Variants in HS3ST3B1 observed in about 807,000 individuals in gnomAD.
HS3ST3B1 encodes heparan sulfate-glucosamine 3-sulfotransferase 3B1, also known as heparan sulfate glucosamine 3-O-sulfotransferase 3B1.
A neutral mutation model predicts 21.3 loss-of-function variants in HS3ST3B1; 13 were observed. That is an observed-to-expected ratio of 0.61 (90% CI 0.40 to 0.97). The LOEUF is 0.97. Ranked by LOEUF, HS3ST3B1 falls within the 50% of genes least tolerant of loss-of-function variation. HS3ST3B1 has a pLI of 0.00. For missense variants in HS3ST3B1, 459 were observed against 554.8 expected (o/e 0.83, Z 1.73); for synonymous variants, 234 against 254.8 (o/e 0.92, Z 0.78).
chr17:14,312,454 G>A (rs1909335971), intron 1 of HS3ST3B1, among the ~76,000 whole-genome samples: 1 of 152,132 alleles, frequency 6.6e-6, no homozygotes, highest in Admixed American at 6.6e-5. Context: ...CCACTTAAAA[G>A]CATTTCCAAG....
Position 14,346,005 on chromosome 17 carries a change from T to G in HS3ST3B1, c.*359T>G, listed in dbSNP as rs1910558767. 4.7e-6 allele frequency: 1 copy of G among 213,198 alleles called. No homozygotes were observed. The highest frequency in any genetic ancestry group is 9.3e-6 in the Non-Finnish European group (1 of 107,320). 13.2% of individuals were successfully genotyped at this position (213,198 alleles called of 1,614,324 possible). A position where few individuals can be genotyped will look rare whatever the true frequency, so the allele number is the denominator to read the frequency against. The stretch of plus-strand genomic sequence containing the variant: ...CAGTTGCTGCCTCCTTGTCTTGTCT[T>G]GGGTCTCCCATTCCAGCTTCCCTGT... On this transcript the variant is annotated 3_prime_UTR_variant, in exon 2 of 2. Coordinates refer to ENST00000360954, the MANE Select transcript of HS3ST3B1 (RefSeq NM_006041.3).
At chr17:14,320,073 G>T (rs1057253888) in intron 1 of HS3ST3B1, among the ~76,000 whole-genome samples, 3 of 152,144 alleles carry the variant, frequency 2.0e-5, no homozygotes, top group African/African-American at 7.2e-5. Context: ...CGTGTGTGGG[G>T]CTTTATGAGT....
rs982882139 is a variant in HS3ST3B1, at chr17:14,348,405, A to G, written c.*2759A>G. ...TCTATGTAAGACAAATAAATCAAAC[A>G]TCATGTGCATCTCCTCATAAGGGTC... On this transcript the variant is annotated 3_prime_UTR_variant, in exon 2 of 2. Coordinates refer to ENST00000360954, the MANE Select transcript of HS3ST3B1 (RefSeq NM_006041.3). The G allele has an allele frequency of 5.3e-5, 8 of 152,200 alleles. No individual in the cohort carries two copies. The highest frequency in any genetic ancestry group is 1.9e-4 in the African/African-American group (8 of 41,448). 9.4% of individuals were successfully genotyped at this position (152,200 alleles called of 1,614,324 possible). A position where few individuals can be genotyped will look rare whatever the true frequency, so the allele number is the denominator to read the frequency against.
Position 14,345,392 on chromosome 17 carries a change from G to C in HS3ST3B1, c.919G>C (p.Glu307Gln). 1 of 1,201,926 alleles carries C rather than the reference G, an allele frequency of 8.3e-7. No homozygotes were observed. Among genetic ancestry groups the C allele is most frequent in the East Asian group, 2.5e-5 (1 of 39,526 alleles). The allele number at this position is 1,201,926 out of a possible 1,614,324, so 74.5% of individuals were successfully genotyped here. Residue 307 changes from glutamate to glutamine, a missense_variant, in exon 2 of 2, where the codon GAG becomes CAG. Transcript: ENST00000360954. The stretch of plus-strand genomic sequence containing the variant: ...GCGGCTCATCAGCGACCCGGCCGGG[G>C]AGCTGGGCCGCGTGCAAGACTTCCT... ...GERLISDPAG[E>Q]LGRVQDFLGL...
Position 14,342,073 on chromosome 17 carries a change from A to C in HS3ST3B1, c.555-2955A>C, listed in dbSNP as rs1433744747. ...AACTCCCTGTTGGCAGTCTGCAAGAAGGAGTGCCCGCCCTCTAGGGAATTG... is the reference window on the plus strand; with the variant it reads ...AACTCCCTGTTGGCAGTCTGCAAGACGGAGTGCCCGCCCTCTAGGGAATTG... On this transcript the variant is annotated intron_variant, in intron 1 of 1. Coordinates refer to ENST00000360954, the MANE Select transcript of HS3ST3B1 (RefSeq NM_006041.3). 3.3e-5 allele frequency among the ~76,000 whole-genome samples: 5 copies of C among 152,200 alleles called. No individual in the cohort carries two copies. The South Asian group carries it at 1.0e-3, about 32-fold the overall frequency.
intron 1 of HS3ST3B1, among the ~76,000 whole-genome samples, chr17:14,310,452 G>A (rs950532598): frequency 3.9e-5 from 6 of 152,218 alleles, no homozygotes; most frequent in Non-Finnish European, 7.3e-5. Context: ...AACAACTCTT[G>A]TGGATTTGAA....
chr17:14,309,569 G>A (rs1042776663), intron 1 of HS3ST3B1, among the ~76,000 whole-genome samples: 4 of 152,304 alleles, frequency 2.6e-5, no homozygotes, highest in Middle Eastern at 3.4e-3. Flanking sequence ...CCCCGCCCCC[G>A]CCGGTGTTGG....
intron 1 of HS3ST3B1, among the ~76,000 whole-genome samples, chr17:14,332,780 G>C (rs1279821243): frequency 6.8e-6 from 1 of 147,794 alleles, no homozygotes; most frequent in Non-Finnish European, 1.5e-5. Flanking sequence ...GTACAGAGCA[G>C]AGTCCCTGAT....
chr17:14,326,921 C>CAAAAA (rs60800866), intron 1 of HS3ST3B1, among the ~76,000 whole-genome samples: 14 of 60,436 alleles, frequency 2.3e-4, no homozygotes, highest in Admixed American at 5.8e-4. Flanking sequence ...AACTCTGTCT[C>CAAAAA]AAAAAAAAAA....
chr17:14,326,749 T>A (rs1035553257), intron 1 of HS3ST3B1, among the ~76,000 whole-genome samples: 2 of 151,582 alleles, frequency 1.3e-5, no homozygotes, highest in African/African-American at 4.8e-5. Flanking sequence ...TGAAACCCCA[T>A]CTCTACTACA....
chr17:14,336,215 G>A (rs1013377710), intron 1 of HS3ST3B1, among the ~76,000 whole-genome samples: 25 of 152,078 alleles, frequency 1.6e-4, no homozygotes, highest in Admixed American at 5.9e-4. Flanking sequence ...TCTGTTTTAC[G>A]TAAATTTCCA....
Position 14,301,136 on chromosome 17 carries a change from T to G in HS3ST3B1, c.-383T>G. On this transcript the variant is annotated 5_prime_UTR_variant, in exon 1 of 2. Transcript: ENST00000360954. ...GTGCCGGGGCTGCTCGAGGCTCAGTTCTTAGGACTGCAAGGAGGCAGCCCC... is the reference window on the plus strand; with the variant it reads ...GTGCCGGGGCTGCTCGAGGCTCAGTGCTTAGGACTGCAAGGAGGCAGCCCC... 4.7e-6 allele frequency: 1 copy of G among 210,640 alleles called. No individual in the cohort carries two copies. The highest frequency in any genetic ancestry group is 9.3e-6 in the Non-Finnish European group (1 of 107,162). 13.0% of individuals were successfully genotyped at this position (210,640 alleles called of 1,614,324 possible).
At chr17:14,317,692 C>T (rs1909541179) in intron 1 of HS3ST3B1, among the ~76,000 whole-genome samples, 1 of 151,972 alleles carries the variant, frequency 6.6e-6, no homozygotes, top group Non-Finnish European at 1.5e-5. Context: ...GTGAGGGTGC[C>T]TGGGATTGGG....
chr17:14,324,470 C>T (rs902458762), intron 1 of HS3ST3B1, among the ~76,000 whole-genome samples: 3 of 152,078 alleles, frequency 2.0e-5, no homozygotes, highest in Non-Finnish European at 4.4e-5. Flanking sequence ...AGGCTGGTCT[C>T]GAACTCCTGG....
chr17:14,326,989 G>C (rs962295684), intron 1 of HS3ST3B1, among the ~76,000 whole-genome samples: 1 of 150,722 alleles, frequency 6.6e-6, no homozygotes, highest in Non-Finnish European at 1.5e-5. Flanking sequence ...CACAACTTCT[G>C]GGTGCCAATT....
At chr17:14,321,704 GA>G (rs5819470) in intron 1 of HS3ST3B1, among the ~76,000 whole-genome samples, 115,585 of 151,532 alleles carry the variant, frequency 0.76, 44,821 homozygotes, top group Non-Finnish European at 0.85. Context: ...GATGGCGGTT[GA>G]AAAAAAAATA....
chr17:14,341,149 C>T (rs940929259), intron 1 of HS3ST3B1, among the ~76,000 whole-genome samples: 1 of 152,128 alleles, frequency 6.6e-6, no homozygotes, highest in African/African-American at 2.4e-5. Flanking sequence ...TTTTTACTAG[C>T]TTTATTATGT....
intron 1 of HS3ST3B1, among the ~76,000 whole-genome samples, chr17:14,325,762 C>T (rs543911485): frequency 1.3e-5 from 2 of 152,268 alleles, no homozygotes; most frequent in African/African-American, 2.4e-5. Flanking sequence ...GTTTAAGATA[C>T]GCTGCTGGTA....
intron 1 of HS3ST3B1, chr17:14,304,387 A>C (rs1229659819): frequency 3.3e-5 from 5 of 152,260 alleles, no homozygotes; most frequent in African/African-American, 1.2e-4. Flanking sequence ...GCGCGGCCGC[A>C]GAGTTGGTGG....
Sources: allele counts gnomAD v4.1 joint callset (sites outside exome capture counted in the v4.1 genomes callset), GRCh38; gene constraint gnomAD v4.1.1; transcripts MANE v1.5; gene names NCBI Gene and HGNC (gene_info 2026-07-23, HGNC 2026-07-21).